Variants in KCNIP1 observed in about 807,000 individuals in gnomAD.
KCNIP1 encodes potassium voltage-gated channel interacting protein 1.
Under a neutral mutation model 33.0 loss-of-function variants are expected in KCNIP1, and 18 were observed. The observed-to-expected ratio is 0.55, with a 90% CI of 0.38 to 0.81. The LOEUF is 0.81. Among genes scored for constraint, KCNIP1 ranks in the 30% least tolerant of loss-of-function variants. The pLI is 0.00. For missense variants in KCNIP1, 238 were observed against 271.6 expected (o/e 0.88, Z 0.87); for synonymous variants, 93 against 98.3 (o/e 0.95, Z 0.32).
At position 170,357,512 on chromosome 5, in the gene KCNIP1, G is replaced by A. The variant is rs1318500724; in HGVS notation, c.88+3548G>A. Among the ~76,000 whole-genome samples the A allele has an allele frequency of 2.0e-5, 3 of 152,184 alleles. No homozygotes were observed. The South Asian group carries it at 6.2e-4, about 31-fold the overall frequency. On this transcript the variant is annotated intron_variant, in intron 1 of 7. Coordinates refer to the KCNIP1 transcript ENST00000377360. Reference sequence around the variant, plus strand: ...TCACTTTATGAAAGCCTATGGCCTTGTCAGTTACTGCATGACTTTATTTAT... The same window carrying A: ...TCACTTTATGAAAGCCTATGGCCTTATCAGTTACTGCATGACTTTATTTAT...
chr5:170,735,179 G>A (rs779124263), intron 7 of KCNIP1, among the ~76,000 whole-genome samples: 2 of 152,090 alleles, frequency 1.3e-5, no homozygotes, highest in Non-Finnish European at 2.9e-5. Flanking sequence ...AGAGCGCTTT[G>A]GGGGGTTTTC....
At chr5:170,697,563 T>C (rs1762939520) in intron 1 of KCNIP1, among the ~76,000 whole-genome samples, 1 of 151,850 alleles carries the variant, frequency 6.6e-6, no homozygotes. Flanking sequence ...CCCCCAGAGG[T>C]TAATGCCCAG....
At chr5:170,360,273 C>T (rs946851197) in intron 1 of KCNIP1, among the ~76,000 whole-genome samples, 2 of 152,202 alleles carry the variant, frequency 1.3e-5, no homozygotes, top group African/African-American at 2.4e-5. Context: ...TGTGAAGTCA[C>T]TGTGGAAGGA....
upstream of KCNIP1, among the ~76,000 whole-genome samples, chr5:170,500,456 T>C (rs1465352560): frequency 6.6e-6 from 1 of 152,080 alleles, no homozygotes. Flanking sequence ...GGTCGCTGTA[T>C]TGAGTACATC....
chr5:170,580,613 A>C (rs1343075715), intron 1 of KCNIP1, among the ~76,000 whole-genome samples: 1 of 152,206 alleles, frequency 6.6e-6, no homozygotes, highest in Non-Finnish European at 1.5e-5. Context: ...CACGCTGGGC[A>C]TATTCAGGGG....
chr5:170,525,249 G>C (rs1487696801), intron 1 of KCNIP1, among the ~76,000 whole-genome samples: 2 of 152,218 alleles, frequency 1.3e-5, no homozygotes, highest in Admixed American at 6.5e-5. Context: ...CGCTCTGCAG[G>C]CTGCCTGGGT....
At chr5:170,531,800 C>T (rs1755799417) in intron 1 of KCNIP1, among the ~76,000 whole-genome samples, 1 of 151,976 alleles carries the variant, frequency 6.6e-6, no homozygotes, top group South Asian at 2.1e-4. Flanking sequence ...ATGCCCCACC[C>T]CCTGTCCTAA....
chr5:170,476,183 A>G (rs940875355), intron 1 of KCNIP1, among the ~76,000 whole-genome samples: 2 of 152,048 alleles, frequency 1.3e-5, no homozygotes, highest in Non-Finnish European at 2.9e-5. Flanking sequence ...GTTGCCCAGG[A>G]TGGTCTTTCA....
At chr5:170,392,975 C>T (rs1433689595) in intron 1 of KCNIP1, among the ~76,000 whole-genome samples, 4 of 152,192 alleles carry the variant, frequency 2.6e-5, no homozygotes, top group Non-Finnish European at 5.9e-5. Context: ...ATATGCAATA[C>T]ATACACATAC....
At chr5:170,586,810 C>T (rs548099907) in intron 1 of KCNIP1, among the ~76,000 whole-genome samples, 122 of 152,324 alleles carry the variant, frequency 8.0e-4, no homozygotes, top group African/African-American at 2.9e-3. Flanking sequence ...ATTGTGTGTG[C>T]TTCTGGAGGG....
In KCNIP1 at chr5:170,504,193, G is replaced by T; in HGVS notation, c.-380G>T. The T allele has an allele frequency of 9.7e-7, 1 of 1,027,398 alleles. No homozygotes were observed. 63.6% of individuals were successfully genotyped at this position (1,027,398 alleles called of 1,614,324 possible). On this transcript the variant is annotated 5_prime_UTR_variant, in exon 1 of 8. Coordinates refer to ENST00000328939, the MANE Select transcript of KCNIP1 (RefSeq NM_014592.4). The surrounding 1 kb of genome is among the most constrained non-coding windows in gnomAD (Gnocchi z 6.0). Reference sequence around the variant, plus strand: ...CGGCAGGAGGGGCGGGCGGACGGCGGCTCCCGCACCGCACGCGGCGCTGGC... The same window carrying T: ...CGGCAGGAGGGGCGGGCGGACGGCGTCTCCCGCACCGCACGCGGCGCTGGC...
chr5:170,606,452 T>G (rs1758924215), intron 1 of KCNIP1, among the ~76,000 whole-genome samples: 2 of 152,188 alleles, frequency 1.3e-5, no homozygotes, highest in African/African-American at 2.4e-5. Context: ...CTTTTTACTT[T>G]TTAATCACCA....
At chr5:170,693,093 G>A (rs1425264063) in intron 1 of KCNIP1, among the ~76,000 whole-genome samples, 1 of 152,206 alleles carries the variant, frequency 6.6e-6, no homozygotes, top group African/African-American at 2.4e-5. Flanking sequence ...TTATTGCAGA[G>A]GGAATTGACA....
Position 170,363,755 on chromosome 5 carries a change from T to G in KCNIP1, c.88+9791T>G, listed in dbSNP as rs905468720. Among the ~76,000 whole-genome samples, 5 of 152,328 alleles carry G rather than the reference T, an allele frequency of 3.3e-5. No individual in the cohort carries two copies. In the East Asian group the frequency reaches 5.8e-4, roughly 18 times the overall value. ...TTTTAACCATTTTTAAGTGCACAGT[T>G]GTGGCTTTAAGTACATTCACATGTT... On this transcript the variant is annotated intron_variant, in intron 1 of 7. Coordinates refer to the KCNIP1 transcript ENST00000377360.
intron 1 of KCNIP1, among the ~76,000 whole-genome samples, chr5:170,624,723 C>CTG (rs1461838430): frequency 2.9e-5 from 1 of 34,614 alleles, no homozygotes; most frequent in African/African-American, 1.4e-4. Context: ...GGAAAGGAGA[C>CTG]CGGGGAGGTG....
intron 1 of KCNIP1, among the ~76,000 whole-genome samples, chr5:170,530,021 G>A (rs930508065): frequency 1.3e-5 from 2 of 152,096 alleles, no homozygotes; most frequent in African/African-American, 4.8e-5. Context: ...TTAAATCTGA[G>A]CAAGACCCTT....
chr5:170,440,357 C>A (rs1755961780), intron 1 of KCNIP1, among the ~76,000 whole-genome samples: 2 of 152,328 alleles, frequency 1.3e-5, no homozygotes, highest in South Asian at 4.1e-4. Flanking sequence ...GCCATTTAAA[C>A]CACAAATACA....
In KCNIP1 at chr5:170,653,529, T is replaced by A. The variant is rs144342409; in HGVS notation, c.62-65229T>A. ...CTCAGGCTACAAATGAATGTAAAAATCTCTAATTTAGTGCCAAGTAACAGA... is the reference window on the plus strand; with the variant it reads ...CTCAGGCTACAAATGAATGTAAAAAACTCTAATTTAGTGCCAAGTAACAGA... On this transcript the variant is annotated intron_variant, in intron 1 of 7. Coordinates refer to ENST00000328939, the MANE Select transcript of KCNIP1 (RefSeq NM_014592.4). 4.5e-4 allele frequency among the ~76,000 whole-genome samples: 68 copies of A among 152,078 alleles called. No individual in the cohort carries two copies. In the East Asian group the frequency reaches 0.013, roughly 29 times the overall value.
At chr5:170,374,605 C>T (rs1763937377) in intron 1 of KCNIP1, 1 of 152,168 alleles carries the variant, frequency 6.6e-6, no homozygotes, top group Non-Finnish European at 1.5e-5. Flanking sequence ...CATCCAGGTG[C>T]ACCTCTCCAG....
Sources: allele counts gnomAD v4.1 joint callset (sites outside exome capture counted in the v4.1 genomes callset), GRCh38; gene constraint gnomAD v4.1.1; non-coding constraint Gnocchi (gnomAD v3.1); transcripts MANE v1.5; gene names NCBI Gene and HGNC (gene_info 2026-07-23, HGNC 2026-07-21).